CDC42BPA: variants seen among roughly 807,000 people sequenced by gnomAD.
CDC42BPA encodes the protein serine/threonine-protein kinase MRCK alpha.
CDC42BPA carries 80 observed loss-of-function variants against 223.5 expected under a neutral mutation model. The ratio of observed to expected loss-of-function variants is 0.36; its 90% confidence interval spans 0.30 to 0.43. The LOEUF is 0.43. CDC42BPA is among the 20% of genes least tolerant of loss of function. The pLI is 1.00. For missense variants in CDC42BPA, 1,743 were observed against 2,099.9 expected (o/e 0.83, Z 3.32); for synonymous variants, 694 against 718.6 (o/e 0.97, Z 0.55).
At chr1:227,163,012 A>ATGTG (rs1664291455) in intron 5 of CDC42BPA, among the ~76,000 whole-genome samples, 5 of 47,118 alleles carry the variant, frequency 1.1e-4, no homozygotes. Context: ...ATGTTTCCAA[A>ATGTG]CGTGTATGTT....
chr1:227,274,208 C>G (rs906905966), intron 1 of CDC42BPA, among the ~76,000 whole-genome samples: 2 of 151,946 alleles, frequency 1.3e-5, no homozygotes, highest in Non-Finnish European at 2.9e-5. Context: ...AAGGAACCCC[C>G]CAGTGGCCAC....
intron 15 of CDC42BPA, 22 bp downstream of exon 15, chr1:227,100,970 T>C (rs1266670097): frequency 4.5e-6 from 6 of 1,320,450 alleles, no homozygotes; most frequent in African/African-American, 2.9e-5. Context: ...ATTTACTGTA[T>C]AGTAAATAAT....
At chr1:227,030,134 C>CAAAAA (rs112837037) in intron 29 of CDC42BPA, among the ~76,000 whole-genome samples, 1 of 119,350 alleles carries the variant, frequency 8.4e-6, no homozygotes, top group African/African-American at 3.2e-5. Flanking sequence ...ACTCTGTCTC[C>CAAAAA]AAAAAAAAAA....
chr1:227,250,976 C>A (rs1218278503), intron 2 of CDC42BPA, among the ~76,000 whole-genome samples: 1 of 151,964 alleles, frequency 6.6e-6, no homozygotes, highest in Non-Finnish European at 1.5e-5. Context: ...TCACTTGGGC[C>A]CAGGAATTCA....
At position 227,034,700 on chromosome 1, in the gene CDC42BPA, T is replaced by C. The variant is rs941541842; in HGVS notation, c.3431A>G (p.Lys1144Arg). 1.9e-6 allele frequency: 3 copies of C among 1,613,624 alleles called. No individual in the cohort carries two copies. In the African/African-American group the frequency reaches 4.0e-5, roughly 22 times the overall value. ...AATGACAACACTGGGCTGAGATGCT[T>C]TTCCTTCAGCAATATCGTACAGAAA... ...KLFLYDIAEG[K>R]ASQPSVVISQ... Residue 1144 changes from lysine to arginine, a missense_variant, in exon 26 of 37, where the codon AAA becomes AGA. This residue lies in a region of CDC42BPA where 678 missense variants were observed against 777.5 expected (regional missense o/e 0.87). Transcript: ENST00000366766.
At chr1:227,289,329 T>A (rs1689315065) in intron 1 of CDC42BPA, among the ~76,000 whole-genome samples, 2 of 152,184 alleles carry the variant, frequency 1.3e-5, no homozygotes, top group Non-Finnish European at 2.9e-5. Flanking sequence ...CTGTTCCTTT[T>A]TCCATCTTAA....
intron 1 of CDC42BPA, among the ~76,000 whole-genome samples, chr1:227,281,254 G>A (rs1687970070): frequency 6.6e-6 from 1 of 152,194 alleles, no homozygotes; most frequent in African/African-American, 2.4e-5. Flanking sequence ...GTGATTGGCT[G>A]CTCTGGTTTT....
intron 16 of CDC42BPA, among the ~76,000 whole-genome samples, chr1:227,089,948 A>G (rs983362006): frequency 6.6e-6 from 1 of 152,194 alleles, no homozygotes; most frequent in Non-Finnish European, 1.5e-5. Context: ...AGAATCTTAA[A>G]ATTCTGTCTT....
intron 1 of CDC42BPA, among the ~76,000 whole-genome samples, chr1:227,296,709 CAAAAAA>C (rs755335862): frequency 7.2e-5 from 5 of 69,838 alleles, no homozygotes; most frequent in African/African-American, 2.5e-4. Context: ...CTCCCCACAT[CAAAAAA>C]AAAAAAAAAA....
intron 1 of CDC42BPA, among the ~76,000 whole-genome samples, chr1:227,283,704 A>AC (rs887594918): frequency 6.6e-6 from 1 of 151,864 alleles, no homozygotes; most frequent in African/African-American, 2.4e-5. Flanking sequence ...CGGAAGCCCA[A>AC]CCCCCCACCA....
At chr1:227,193,663 AT>A (rs150257854) in intron 5 of CDC42BPA, 122 bp downstream of exon 5, 57 of 759,460 alleles carry the variant, frequency 7.5e-5, no homozygotes, top group South Asian at 1.6e-4. Context: ...TCTCAAAATA[AT>A]TTTTTTTGGT....
chr1:227,021,784 C>T (rs1333983799), intron 32 of CDC42BPA, among the ~76,000 whole-genome samples: 2 of 151,908 alleles, frequency 1.3e-5, no homozygotes, highest in Non-Finnish European at 2.9e-5. Context: ...CTTTGAGAGG[C>T]CAAGGTGGGT....
In CDC42BPA at chr1:226,991,160, C is replaced by T. The variant is rs1171959004; in HGVS notation, c.*3108G>A. The T allele has an allele frequency of 1.3e-5, 2 of 152,630 alleles. No individual in the cohort carries two copies. The highest frequency in any genetic ancestry group is 4.8e-5 in the African/African-American group (2 of 41,446). 9.5% of individuals were successfully genotyped at this position (152,630 alleles called of 1,614,324 possible). On this transcript the variant is annotated 3_prime_UTR_variant, in exon 37 of 37. Transcript: ENST00000366766. ...TTAGTCAGAATTTGAGGGTAGATAA[C>T]TTGGCTGGACATAGATAGCACCAAA...
intron 6 of CDC42BPA, among the ~76,000 whole-genome samples, chr1:227,155,342 CCAGA>C (rs1036292838): frequency 4.6e-5 from 7 of 152,092 alleles, no homozygotes; most frequent in Non-Finnish European, 8.8e-5. Context: ...AATACTATGT[CCAGA>C]CAAACTATCA....
At position 227,193,869 on chromosome 1, in the gene CDC42BPA, T is replaced by C; in HGVS notation, c.516A>G (p.Arg172=). 2 of 1,613,388 alleles carry C rather than the reference T, an allele frequency of 1.2e-6. No individual in the cohort carries two copies. The highest frequency in any genetic ancestry group is 1.7e-6 in the Non-Finnish European group (2 of 1,179,616). The change falls in exon 5 of 37, where the codon AGA becomes AGG. Residue 172 remains arginine (R), a synonymous_variant. Coordinates refer to ENST00000366766, the MANE Select transcript of CDC42BPA (RefSeq NM_001394014.1). ...AAAATCTAGCCATATCTTCAGGCAA[T>C]CTATCTTCAAATTTGCTGAGTAGAG... ...LLTLLSKFED[R]LPEDMARFYL...
At chr1:227,136,414 T>C (rs1277637535) in intron 10 of CDC42BPA, among the ~76,000 whole-genome samples, 1 of 152,120 alleles carries the variant, frequency 6.6e-6, no homozygotes, top group Non-Finnish European at 1.5e-5. Context: ...CCATCTAACA[T>C]ATACACAATT....
At chr1:227,017,158 A>G in intron 32 of CDC42BPA, 108 bp from the exon 33 acceptor site, 1 of 983,254 alleles carries the variant, frequency 1.0e-6, no homozygotes, top group Non-Finnish European at 1.5e-6. Context: ...AAGTACATGC[A>G]ATTCTGGTTT....
chr1:227,234,030 A>C (rs1013001869), intron 2 of CDC42BPA, among the ~76,000 whole-genome samples: 5 of 152,202 alleles, frequency 3.3e-5, no homozygotes, highest in African/African-American at 1.2e-4. Context: ...CAGCAAGATA[A>C]CATGTCCTTA....
intron 2 of CDC42BPA, among the ~76,000 whole-genome samples, chr1:227,220,311 T>TATATATATATACACAC (rs1210485137): frequency 4.0e-5 from 2 of 49,530 alleles, no homozygotes; most frequent in Admixed American, 2.3e-4. Flanking sequence ...TATATATATA[T>TATATATATATACACAC]ACACACACAC....
Sources: allele counts gnomAD v4.1 joint callset (sites outside exome capture counted in the v4.1 genomes callset), GRCh38; gene constraint gnomAD v4.1.1; regional missense constraint gnomAD v4.1.1; transcripts MANE v1.5; gene names NCBI Gene and HGNC (gene_info 2026-07-23, HGNC 2026-07-21).